LRTM1: variants seen among roughly 807,000 people sequenced by gnomAD.
LRTM1 encodes leucine-rich repeat and transmembrane domain-containing protein 1.
LRTM1 carries 38 observed loss-of-function variants against 32.4 expected under a neutral mutation model. That is an observed-to-expected ratio of 1.17 (90% CI 0.91 to 1.54). The LOEUF is 1.54. LRTM1 is among the 40% of genes most tolerant of loss of function. The pLI, the probability that LRTM1 is intolerant of heterozygous loss-of-function variation, is 0.00. For missense variants in LRTM1, 466 were observed against 415.4 expected, an observed-to-expected ratio of 1.12 and a Z score of -1.06; for synonymous variants, 186 against 169.9, an observed-to-expected ratio of 1.09 and a Z score of -0.74.
chr3:54,921,942 C>A (rs1023225855), intron 2 of LRTM1, among the ~76,000 whole-genome samples: 1 of 148,906 alleles, frequency 6.7e-6, no homozygotes, highest in African/African-American at 2.4e-5. Context: ...TGACTCATAT[C>A]TGTTCCCTTA....
chr3:54,951,851 AT>A (rs1202881486), intron 1 of LRTM1, among the ~76,000 whole-genome samples: 1 of 152,106 alleles, frequency 6.6e-6, no homozygotes, highest in Non-Finnish European at 1.5e-5. Context: ...CATGCTTGTT[AT>A]TTTATTTTAA....
chr3:54,920,172 G>A (rs922993705), intron 2 of LRTM1, among the ~76,000 whole-genome samples: 1 of 152,168 alleles, frequency 6.6e-6, no homozygotes, highest in Non-Finnish European at 1.5e-5. Context: ...TATGTAGAGG[G>A]CATCACTTCA....
At chr3:54,942,084 T>C (rs1193773358) in intron 1 of LRTM1, among the ~76,000 whole-genome samples, 1 of 152,254 alleles carries the variant, frequency 6.6e-6, no homozygotes, top group Non-Finnish European at 1.5e-5. Context: ...AAATAGGGTT[T>C]ACCAAGGAAG....
At chr3:54,926,555 C>G (rs868521430) in intron 1 of LRTM1, among the ~76,000 whole-genome samples, 1 of 148,658 alleles carries the variant, frequency 6.7e-6, no homozygotes, top group Non-Finnish European at 1.5e-5. Flanking sequence ...CACACACACT[C>G]TGTTTTACAT....
intron 1 of LRTM1, among the ~76,000 whole-genome samples, chr3:54,934,085 A>G (rs974157782): frequency 6.6e-6 from 1 of 152,140 alleles, no homozygotes; most frequent in African/African-American, 2.4e-5. Context: ...TGTTACTATT[A>G]CTTTTGATAC....
intron 2 of LRTM1, among the ~76,000 whole-genome samples, chr3:54,923,750 CT>C (rs1700922702): frequency 6.6e-6 from 1 of 152,178 alleles, no homozygotes; most frequent in Non-Finnish European, 1.5e-5. Context: ...AAAGCCATGC[CT>C]TCTGTTCTCA....
chr3:54,919,014 T>C, intron 2 of LRTM1, 122 bp from the exon 3 acceptor site: 1 of 763,422 alleles, frequency 1.3e-6, no homozygotes, highest in South Asian at 3.2e-5. Context: ...TTTTAAATCC[T>C]GGAGTCAAAG....
chr3:54,949,801 CT>C (rs1276841272), intron 1 of LRTM1, among the ~76,000 whole-genome samples: 1 of 46,082 alleles, frequency 2.2e-5, no homozygotes, highest in African/African-American at 5.7e-5. Flanking sequence ...GGATGGAAGA[CT>C]TTTTTTGCCT....
chr3:54,927,932 C>A lies in LRTM1; in HGVS notation c.-21G>T, dbSNP rs1701072849. On this transcript the variant is annotated 5_prime_UTR_variant, in exon 1 of 3. Transcript: ENST00000273286. Reference sequence around the variant, plus strand: ...TTCATGACTGAGTCTCCTTGGGCGTCCTTGCTGACCTCGTAGACCCTTTAA... The same window carrying A: ...TTCATGACTGAGTCTCCTTGGGCGTACTTGCTGACCTCGTAGACCCTTTAA... 5.0e-6 allele frequency: 8 copies of A among 1,613,266 alleles called. No homozygotes were observed. Among genetic ancestry groups the A allele is most frequent in the African/African-American group, 1.3e-5 (1 of 74,882 alleles).
chr3:54,923,862 A>G (rs1170725366), intron 2 of LRTM1, among the ~76,000 whole-genome samples: 1 of 152,226 alleles, frequency 6.6e-6, no homozygotes, highest in Non-Finnish European at 1.5e-5. Context: ...GTAAAGGGCC[A>G]GATAGACAAT....
chr3:54,939,601 G>C (rs78793024), intron 1 of LRTM1, among the ~76,000 whole-genome samples: 1 of 152,194 alleles, frequency 6.6e-6, no homozygotes, highest in East Asian at 1.9e-4. Context: ...GGAAAGCAAG[G>C]CATTTTGTGC....
intron 1 of LRTM1, among the ~76,000 whole-genome samples, chr3:54,945,454 C>T (rs1701588802): frequency 1.3e-5 from 2 of 152,104 alleles, no homozygotes; most frequent in South Asian, 4.1e-4. Context: ...TCTCTTTTTC[C>T]CTAGGAGCCA....
upstream of LRTM1, among the ~76,000 whole-genome samples, chr3:54,931,949 G>A (rs1701201317): frequency 6.6e-6 from 1 of 152,138 alleles, no homozygotes; most frequent in Admixed American, 6.5e-5. Flanking sequence ...GGGAGGCTAA[G>A]GTGGGTGGAT....
At chr3:54,939,720 AC>A (rs911763275) in intron 1 of LRTM1, among the ~76,000 whole-genome samples, 1 of 152,128 alleles carries the variant, frequency 6.6e-6, no homozygotes, top group Non-Finnish European at 1.5e-5. Context: ...CTGCAGGCCC[AC>A]CCTCTCTTCA....
intron 1 of LRTM1, among the ~76,000 whole-genome samples, chr3:54,961,392 T>C (rs1300853262): frequency 6.6e-6 from 1 of 152,214 alleles, no homozygotes; most frequent in African/African-American, 2.4e-5. Context: ...AGAGATGAAA[T>C]ATATGGGAAA....
intron 1 of LRTM1, among the ~76,000 whole-genome samples, chr3:54,953,187 T>C (rs1701800444): frequency 1.3e-5 from 2 of 152,202 alleles, no homozygotes; most frequent in African/African-American, 4.8e-5. Flanking sequence ...TGACATACAT[T>C]AGCTCATTTA....
intron 1 of LRTM1, among the ~76,000 whole-genome samples, chr3:54,941,422 T>A (rs1325597656): frequency 6.6e-6 from 1 of 152,196 alleles, no homozygotes; most frequent in Non-Finnish European, 1.5e-5. Flanking sequence ...CGGACGCTAT[T>A]TTCAAACTAC....
rs951155486 is a variant in LRTM1, at chr3:54,966,927, C to T, written c.-222+1G>A. The T allele has an allele frequency of 3.9e-5, 6 of 152,164 alleles. No individual in the cohort carries two copies. The highest frequency in any genetic ancestry group is 7.3e-5 in the Non-Finnish European group (5 of 68,040). 9.4% of individuals were successfully genotyped at this position (152,164 alleles called of 1,614,324 possible). A position where few individuals can be genotyped will look rare whatever the true frequency, so the allele number is the denominator to read the frequency against. On this transcript the variant is annotated splice_donor_variant, in intron 1 of 2. Coordinates refer to the LRTM1 transcript ENST00000493075. LOFTEE classifies it low-confidence loss of function (5UTR_SPLICE). ...GTTTTTTTTAAAAAGCAAGCATTTA[C>T]CTATGGGTCGTCTGTGTACTCAGCA...
At chr3:54,957,555 T>C (rs1701930480) in intron 1 of LRTM1, among the ~76,000 whole-genome samples, 1 of 152,210 alleles carries the variant, frequency 6.6e-6, no homozygotes, top group Non-Finnish European at 1.5e-5. Flanking sequence ...CAAAGCATGT[T>C]CAAACTTATC....
Sources: gnomAD v4.1 joint callset for allele counts (sites outside exome capture counted in the v4.1 genomes callset) on GRCh38, gnomAD v4.1.1 for gene constraint, MANE v1.5 for transcripts, NCBI Gene and HGNC (gene_info 2026-07-23, HGNC 2026-07-21) for gene names.